The following OTOGL variants were observed in gnomAD, a reference collection of about 807,000 sequenced individuals.
The protein encoded by OTOGL is otogelin like.
A neutral mutation model predicts 318.5 loss-of-function variants in OTOGL; 285 were observed. That is an observed-to-expected ratio of 0.89 (90% CI 0.81 to 0.99). The LOEUF (loss-of-function observed/expected upper bound fraction) is 0.99. Among genes scored for constraint, OTOGL ranks in the 50% least tolerant of loss-of-function variants. OTOGL has a pLI of 0.00. For synonymous variants in OTOGL, 987 were observed against 936.5 expected (o/e 1.05, Z -0.99); for missense variants, 2,899 against 2,845.6 (o/e 1.02, Z -0.43).
rs925348565 is a variant in OTOGL at position 80,296,959 on chromosome 12, C to G, written c.3061C>G (p.Gln1021Glu). ...EIYLNDTPYKQKQSGFFLENK... is the reference protein window; with the variant it reads ...EIYLNDTPYKEKQSGFFLENK... ...TTACCTGAATGATACTCCTTACAAA[C>G]AGGTTAGTGAATTATTTCTTTCAGG... is the stretch of plus-strand genomic sequence containing the variant. The change falls in exon 27 of 59, where the codon CAG becomes GAG. Residue 1021 changes from glutamine (Q) to glutamate (E), a missense_variant and splice_region_variant. Physicochemically the swap from Gln to Glu is conservative, Grantham distance 29. This residue lies in a region of OTOGL where 2,607 missense variants were observed against 2,524.9 expected (regional missense o/e 1.03). Transcript: ENST00000547103. 1 of 1,543,168 alleles carries G rather than the reference C, an allele frequency of 6.5e-7. No homozygotes were observed. The highest frequency in any genetic ancestry group is 1.3e-5 in the African/African-American group (1 of 74,164).
At chr12:80,350,964 A>C (rs1485658129) in intron 44 of OTOGL, among the ~76,000 whole-genome samples, 2 of 152,184 alleles carry the variant, frequency 1.3e-5, no homozygotes, top group Non-Finnish European at 2.9e-5. Flanking sequence ...GTTCATAGGC[A>C]GAAAATTACT....
intron 19 of OTOGL, 83 bp downstream of exon 19, chr12:80,262,176 A>G (rs1328315200): frequency 2.2e-5 from 29 of 1,291,314 alleles, no homozygotes; most frequent in Non-Finnish European, 2.8e-5. Flanking sequence ...AAAATTAGAT[A>G]GTTTAAATTC....
At chr12:80,117,130 C>A (rs1321898885) in intron 1 of OTOGL, among the ~76,000 whole-genome samples, 1 of 152,058 alleles carries the variant, frequency 6.6e-6, no homozygotes, top group Non-Finnish European at 1.5e-5. Context: ...GCTCAAGAGA[C>A]AAATGGGGCC....
chr12:80,118,170 C>T (rs1164247700), intron 1 of OTOGL, among the ~76,000 whole-genome samples: 3 of 152,080 alleles, frequency 2.0e-5, no homozygotes, highest in Non-Finnish European at 4.4e-5. Context: ...AGGAGATTGG[C>T]CCAAGGCAGG....
At chr12:80,271,860 C>T (rs1201501330) in intron 24 of OTOGL, 50 bp downstream of exon 24, 2 of 1,541,738 alleles carry the variant, frequency 1.3e-6, no homozygotes, top group African/African-American at 2.8e-5. Context: ...CCTGAAAGCA[C>T]AATATCTCCT....
intron 44 of OTOGL, among the ~76,000 whole-genome samples, chr12:80,345,355 C>A (rs1451731821): frequency 1.3e-5 from 2 of 151,038 alleles, no homozygotes; most frequent in Non-Finnish European, 2.9e-5. Context: ...CCTGCCTCAG[C>A]CTCCTGAGTA....
At chr12:80,220,766 T>C (rs966189525) in intron 6 of OTOGL, among the ~76,000 whole-genome samples, 14 of 151,988 alleles carry the variant, frequency 9.2e-5, no homozygotes, top group South Asian at 4.2e-4. Flanking sequence ...AATAGAAACA[T>C]GTTCCTGTCC....
chr12:80,185,378 G>A (rs1405012022), intron 1 of OTOGL, among the ~76,000 whole-genome samples: 2 of 152,106 alleles, frequency 1.3e-5, no homozygotes, highest in African/African-American at 2.4e-5. Context: ...TGCCTCCTGG[G>A]TTCAAGTGAT....
intron 9 of OTOGL, among the ~76,000 whole-genome samples, chr12:80,236,444 G>T (rs1227902162): frequency 6.6e-6 from 1 of 152,072 alleles, no homozygotes; most frequent in Non-Finnish European, 1.5e-5. Context: ...CAACTTTTAG[G>T]ACCCTTGATG....
At chr12:80,145,479 A>T (rs1411462297) in intron 1 of OTOGL, among the ~76,000 whole-genome samples, 5 of 151,926 alleles carry the variant, frequency 3.3e-5, no homozygotes, top group East Asian at 1.9e-4. Flanking sequence ...TATAGTTTGA[A>T]GTCAGGTAGT....
At position 80,322,004 on chromosome 12, in the gene OTOGL, T is replaced by G. The variant is rs1385841181; in HGVS notation, c.4081+1304T>G. ...TCTGCCCTGGATTTGATACTTCAGG[T>G]GCAACTGGAATCACCGAGCACACAC... On this transcript the variant is annotated intron_variant, in intron 34 of 58. Transcript: ENST00000547103. Among the ~76,000 whole-genome samples the G allele has an allele frequency of 2.0e-5, 3 of 152,142 alleles. No homozygotes were observed. The East Asian group carries it at 5.8e-4, about 29-fold the overall frequency.
intron 1 of OTOGL, among the ~76,000 whole-genome samples, chr12:80,106,123 A>T (rs1442087548): frequency 6.6e-6 from 1 of 152,208 alleles, no homozygotes; most frequent in Non-Finnish European, 1.5e-5. Flanking sequence ...CTCCAAAGCC[A>T]TTGTGCCCCA....
At chr12:80,370,396 G>A (rs1246247869) in intron 55 of OTOGL, among the ~76,000 whole-genome samples, 174 bp from the exon 56 acceptor site, 1 of 137,414 alleles carries the variant, frequency 7.3e-6, no homozygotes, top group Non-Finnish European at 1.6e-5. Flanking sequence ...CTATACACGT[G>A]TATGTATTTT....
chr12:80,372,474 G>A (rs967111186), intron 57 of OTOGL, among the ~76,000 whole-genome samples: 8 of 152,020 alleles, frequency 5.3e-5, no homozygotes, highest in Non-Finnish European at 1.0e-4. Flanking sequence ...ATTACAGTTA[G>A]AATGGCATTG....
chr12:80,140,930 CTTCT>C (rs1412161297), intron 1 of OTOGL, among the ~76,000 whole-genome samples: 11 of 152,042 alleles, frequency 7.2e-5, no homozygotes, highest in Admixed American at 5.9e-4. Flanking sequence ...CATAGAATAA[CTTCT>C]TTATGTTCAA....
chr12:80,108,367 TGG>T (rs1239629052), intron 1 of OTOGL, among the ~76,000 whole-genome samples: 4 of 152,132 alleles, frequency 2.6e-5, no homozygotes, highest in Non-Finnish European at 5.9e-5. Context: ...TAGTGGTAAG[TGG>T]GTGGAATACA....
chr12:80,375,158 G>A (rs1891109950), intron 57 of OTOGL, among the ~76,000 whole-genome samples: 1 of 152,166 alleles, frequency 6.6e-6, no homozygotes, highest in African/African-American at 2.4e-5. Context: ...GCTTTCTGAA[G>A]ACTAGGCTGT....
At chr12:80,357,737 C>T (rs967984346) in intron 49 of OTOGL, among the ~76,000 whole-genome samples, 1 of 152,126 alleles carries the variant, frequency 6.6e-6, no homozygotes, top group South Asian at 2.1e-4. Context: ...ATTCCGATTA[C>T]TCCTATGTGG....
chr12:80,185,101 G>T (rs1320634021), intron 1 of OTOGL, among the ~76,000 whole-genome samples: 1 of 152,170 alleles, frequency 6.6e-6, no homozygotes, highest in Non-Finnish European at 1.5e-5. Context: ...GGATGCCAAT[G>T]CTCTGTTAAC....
Sources: gnomAD v4.1 joint callset for allele counts (sites outside exome capture counted in the v4.1 genomes callset) on GRCh38, gnomAD v4.1.1 for gene constraint, gnomAD v4.1.1 regional missense constraint, MANE v1.5 for transcripts, NCBI Gene and HGNC (gene_info 2026-07-23, HGNC 2026-07-21) for gene names.